NEK11: variants seen among roughly 807,000 people sequenced by gnomAD.
NEK11 encodes serine/threonine-protein kinase Nek11.
Under a neutral mutation model 80.7 loss-of-function variants are expected in NEK11, and 72 were observed. The ratio of observed to expected loss-of-function variants is 0.89; its 90% confidence interval spans 0.74 to 1.08. The LOEUF is 1.08. Among genes scored for constraint, NEK11 ranks in the 50% least tolerant of loss-of-function variants. The pLI, the probability that NEK11 is intolerant of heterozygous loss-of-function variation, is 0.00. For missense variants in NEK11, 764 were observed against 763.6 expected (o/e 1.00, Z -0.01); for synonymous variants, 251 against 260.7 (o/e 0.96, Z 0.36).
intron 14 of NEK11, among the ~76,000 whole-genome samples, chr3:131,213,241 C>G (rs573860381): frequency 6.6e-6 from 1 of 152,214 alleles, no homozygotes; most frequent in Admixed American, 6.5e-5. Flanking sequence ...TTAAGTTTGC[C>G]TCTTCACATT....
At chr3:131,262,108 C>A (rs1355588218) in intron 16 of NEK11, among the ~76,000 whole-genome samples, 1 of 151,928 alleles carries the variant, frequency 6.6e-6, no homozygotes, top group African/African-American at 2.4e-5. Context: ...TTACTACTAA[C>A]CTTAAAGAAA....
At chr3:131,100,871 G>A in intron 4 of NEK11, among the ~76,000 whole-genome samples, 1 of 152,060 alleles carries the variant, frequency 6.6e-6, no homozygotes, top group East Asian at 1.9e-4. Context: ...ATCTGGTGCA[G>A]GACTTTTTTT....
chr3:131,175,193 A>G, intron 14 of NEK11: 1 of 829,932 alleles, frequency 1.2e-6, no homozygotes, highest in South Asian at 5.6e-5. Context: ...CTCACTCACT[A>G]ATTCCACTTT....
At chr3:131,274,320 G>A (rs1054137119) in intron 17 of NEK11, among the ~76,000 whole-genome samples, 3 of 146,442 alleles carry the variant, frequency 2.0e-5, no homozygotes, top group Non-Finnish European at 4.4e-5. Context: ...AGTATTCCAT[G>A]GTGTATATGT....
chr3:131,077,255 A>T (rs943013475), intron 3 of NEK11, among the ~76,000 whole-genome samples: 1 of 152,142 alleles, frequency 6.6e-6, no homozygotes, highest in East Asian at 1.9e-4. Context: ...TCACTGAGCA[A>T]GTGACAAACT....
In NEK11 at chr3:131,309,904, G is replaced by A. The variant is rs568391558; in HGVS notation, c.1718+36330G>A. ...CTCAGGAGGCTGAGGCAGGAGGATCGGTTGAGCTTGAGAGAGTGAAGCTGC... is the reference window on the plus strand; with the variant it reads ...CTCAGGAGGCTGAGGCAGGAGGATCAGTTGAGCTTGAGAGAGTGAAGCTGC... On this transcript the variant is annotated intron_variant, in intron 17 of 17. Transcript: ENST00000383366. 1.2e-4 allele frequency among the ~76,000 whole-genome samples: 17 copies of A among 146,984 alleles called. 1 individual carries two copies. The South Asian group carries it at 2.4e-3, about 21-fold the overall frequency.
At chr3:131,082,467 T>A (rs1236013449) in intron 4 of NEK11, among the ~76,000 whole-genome samples, 2 of 152,230 alleles carry the variant, frequency 1.3e-5, no homozygotes, top group Non-Finnish European at 2.9e-5. Flanking sequence ...TTCACAGAAC[T>A]TTCTGTGCTG....
At chr3:131,111,659 C>T (rs1461273964) in intron 5 of NEK11, among the ~76,000 whole-genome samples, 2 of 152,098 alleles carry the variant, frequency 1.3e-5, no homozygotes, top group African/African-American at 4.8e-5. Context: ...CTCTCTGAAC[C>T]TGTTTCCTCA....
rs539400596 is a variant in NEK11 at position 131,124,603 on chromosome 3, G to T, written c.456-8142G>T. ...GAGAAGAGGAGGAGAATGGTTATTG[G>T]GTAGGCATTTCACAGTTCCTGCCAC... On this transcript the variant is annotated intron_variant, in intron 5 of 17. Coordinates refer to ENST00000383366, the MANE Select transcript of NEK11 (RefSeq NM_024800.5). Among the ~76,000 whole-genome samples, 4 of 152,192 alleles carry T rather than the reference G, an allele frequency of 2.6e-5. No homozygotes were observed. In the South Asian group the frequency reaches 8.3e-4, roughly 32 times the overall value.
chr3:131,081,633 G>A (rs1172522747), intron 4 of NEK11, among the ~76,000 whole-genome samples: 16 of 152,292 alleles, frequency 1.1e-4, no homozygotes. Context: ...TATTATGGAA[G>A]CTAGGGTTAG....
intron 4 of NEK11, among the ~76,000 whole-genome samples, chr3:131,083,721 G>A (rs2075615432): frequency 6.6e-6 from 1 of 152,124 alleles, no homozygotes; most frequent in South Asian, 2.1e-4. Flanking sequence ...GCATTAGTGA[G>A]GCTTCTGCAT....
intron 5 of NEK11, among the ~76,000 whole-genome samples, chr3:131,123,495 A>G (rs775068801): frequency 6.6e-6 from 1 of 152,164 alleles, no homozygotes; most frequent in Non-Finnish European, 1.5e-5. Flanking sequence ...TATTTAGCAA[A>G]TAGCTTGATA....
intron 7 of NEK11, among the ~76,000 whole-genome samples, chr3:131,150,906 C>T (rs2089519683): frequency 6.6e-6 from 1 of 151,848 alleles, no homozygotes; most frequent in Admixed American, 6.6e-5. Flanking sequence ...TTTTGCTTGG[C>T]TAAAAACATC....
chr3:131,325,650 G>C (rs2096955574), intron 17 of NEK11: 1 of 151,968 alleles, frequency 6.6e-6, no homozygotes, highest in Non-Finnish European at 1.5e-5. Context: ...TGCAAATTAG[G>C]AACAGTCACC....
chr3:131,120,195 A>C (rs190930479), intron 5 of NEK11, among the ~76,000 whole-genome samples: 159 of 152,260 alleles, frequency 1.0e-3, no homozygotes, highest in African/African-American at 3.6e-3. Flanking sequence ...ATCTCTCAGC[A>C]TTTGCTTGTC....
intron 14 of NEK11, among the ~76,000 whole-genome samples, chr3:131,197,648 G>A (rs2094072442): frequency 6.6e-6 from 1 of 152,098 alleles, no homozygotes; most frequent in Non-Finnish European, 1.5e-5. Context: ...TAGGTGAAGG[G>A]TTTTAAGTAA....
intron 14 of NEK11, among the ~76,000 whole-genome samples, chr3:131,215,294 G>A (rs1028330937): frequency 3.6e-5 from 5 of 140,512 alleles, no homozygotes; most frequent in Admixed American, 7.1e-5. Flanking sequence ...GAGGGGGAAG[G>A]GATAGCATTA....
rs1447985559 is a variant in NEK11, at chr3:131,159,737, C to T, written c.963-2671C>T. Among the ~76,000 whole-genome samples the T allele has an allele frequency of 3.4e-5, 5 of 149,100 alleles. No homozygotes were observed. The Admixed American group carries it at 3.4e-4, about 10-fold the overall frequency. On this transcript the variant is annotated intron_variant, in intron 10 of 17. Transcript: ENST00000383366. ...CTGAGACAGCACCATTGCACTCCAG[C>T]CTGGATGATGGAATGAGACTCCATC...
At chr3:131,036,881 G>A (rs1256206364) in intron 3 of NEK11, among the ~76,000 whole-genome samples, 1 of 152,170 alleles carries the variant, frequency 6.6e-6, no homozygotes, top group Non-Finnish European at 1.5e-5. Flanking sequence ...CAGTGTGAAT[G>A]GCACTAAAAT....
Sources: gnomAD v4.1 joint callset for allele counts (sites outside exome capture counted in the v4.1 genomes callset) on GRCh38, gnomAD v4.1.1 for gene constraint, MANE v1.5 for transcripts, NCBI Gene and HGNC (gene_info 2026-07-23, HGNC 2026-07-21) for gene names.